Variants in THAP4 observed in about 807,000 individuals in gnomAD.
The protein encoded by THAP4 is peroxynitrite isomerase THAP4.
In THAP4, 18 loss-of-function variants were observed where a neutral mutation model predicts 48.1. The ratio of observed to expected loss-of-function variants is 0.37; its 90% CI spans 0.26 to 0.56. The LOEUF (loss-of-function observed/expected upper bound fraction) is 0.56, where lower values mean the gene tolerates loss of function less well. Among genes scored for constraint, THAP4 ranks in the 20% least tolerant of loss-of-function variants. The pLI, the probability that THAP4 is intolerant of heterozygous loss-of-function variation, is 0.78. For synonymous variants in THAP4, 345 were observed against 324.9 expected (o/e 1.06, Z -0.66); for missense variants, 656 against 774.9 (o/e 0.85, Z 1.82).
At chr2:241,588,465 T>G in intron 5 of THAP4, among the ~76,000 whole-genome samples, 1 of 152,200 alleles carries the variant, frequency 6.6e-6, no homozygotes, top group Non-Finnish European at 1.5e-5. Context: ...GGTCCTAGGA[T>G]AGCCAAAACA....
In THAP4 at chr2:241,633,805, C is replaced by T; in HGVS notation, c.352G>A (p.Ala118Thr). The stretch of plus-strand genomic sequence containing the variant: ...CCTGCAGCTCCTCTGCTGGTGGCGG[C>T]ACTCGAGTGTCCCCTCACACCCCCT... ...ATGGVRGHSS[A>T]ATSRGAAGWS... The change falls in exon 2 of 6, where the codon GCC becomes ACC. Residue 118 changes from alanine to threonine, a missense_variant. Physicochemically the swap from Ala to Thr is moderately conservative, Grantham distance 58. Transcript: ENST00000407315. This position sits in a 1 kb window ranked among gnomAD's most constrained non-coding sequence, Gnocchi z 7.5. 1.9e-6 allele frequency: 3 copies of T among 1,613,720 alleles called. No homozygotes were observed. Among genetic ancestry groups the T allele is most frequent in the Non-Finnish European group, 2.5e-6 (3 of 1,179,720 alleles).
intron 2 of THAP4, among the ~76,000 whole-genome samples, chr2:241,629,075 G>A (rs988422363): frequency 6.6e-5 from 10 of 152,018 alleles, no homozygotes; most frequent in East Asian, 1.9e-4. Flanking sequence ...AAGAAGCACC[G>A]GAACTAAGAT....
intron 5 of THAP4, among the ~76,000 whole-genome samples, chr2:241,595,366 A>G (rs62193002): frequency 0.36 from 54,274 of 152,044 alleles, 10,254 homozygotes; most frequent in East Asian, 0.6. Context: ...AGCCGGGTGC[A>G]GTGGCTCACA....
intron 3 of THAP4, among the ~76,000 whole-genome samples, chr2:241,604,216 G>A (rs2067152027): frequency 6.6e-6 from 1 of 152,040 alleles, no homozygotes; most frequent in East Asian, 1.9e-4. Flanking sequence ...TGGGATTACA[G>A]GCGCCCACCA....
intron 2 of THAP4, among the ~76,000 whole-genome samples, chr2:241,607,820 G>A (rs969895770): frequency 2.4e-5 from 3 of 123,758 alleles, no homozygotes; most frequent in Non-Finnish European, 4.9e-5. Context: ...CTCCAGGCCC[G>A]CGCAAGCAGA....
intron 1 of THAP4, among the ~76,000 whole-genome samples, chr2:241,636,210 G>T (rs1177347635): frequency 6.6e-6 from 1 of 152,184 alleles, no homozygotes; most frequent in African/African-American, 2.4e-5. Flanking sequence ...TAAATAACAC[G>T]TGCCATTCCC....
upstream of THAP4, chr2:241,637,565 C>T (rs754119276): frequency 7.4e-6 from 11 of 1,492,658 alleles, 1 homozygote; most frequent in Non-Finnish European, 8.0e-6. Context: ...GCCAAAATGG[C>T]GGCTCCCGCG....
Position 241,612,257 on chromosome 2 carries a change from A to T in THAP4, c.1241-5784T>A, listed in dbSNP as rs973324563. 3.2e-4 allele frequency among the ~76,000 whole-genome samples: 48 copies of T among 151,134 alleles called. No homozygotes were observed. The highest frequency in any genetic ancestry group is 1.1e-3 in the African/African-American group (43 of 40,834). On this transcript the variant is annotated intron_variant, in intron 2 of 5. Transcript: ENST00000407315. This position sits in a 1 kb window ranked among gnomAD's most constrained non-coding sequence, Gnocchi z 4.1. ...GGAACACAGAGGACAGAAATGAGTTAAAAAAAAAGACAAAAGATAGAGAAA... is the reference window on the plus strand; with the variant it reads ...GGAACACAGAGGACAGAAATGAGTTTAAAAAAAAGACAAAAGATAGAGAAA...
intron 5 of THAP4, chr2:241,594,751 C>T (rs2067027767): frequency 6.2e-6 from 1 of 161,036 alleles, no homozygotes; most frequent in Non-Finnish European, 1.4e-5. Flanking sequence ...GAATGAGACC[C>T]TCTCTTAAAG....
intron 5 of THAP4, chr2:241,592,091 A>C (rs1471435123): frequency 6.6e-6 from 1 of 152,232 alleles, no homozygotes; most frequent in East Asian, 1.9e-4. Flanking sequence ...AACGACGTGA[A>C]AAGATGCTCA....
At chr2:241,605,066 C>T (rs946651810) in intron 3 of THAP4, among the ~76,000 whole-genome samples, 6 of 152,142 alleles carry the variant, frequency 3.9e-5, no homozygotes, top group East Asian at 1.9e-4. Context: ...CTGACCTTTT[C>T]GTGGGTTATA....
At chr2:241,602,640 ACAGGCGTGAGCCACTGTGC>A (rs1181224828) in intron 4 of THAP4, among the ~76,000 whole-genome samples, 33 of 152,354 alleles carry the variant, frequency 2.2e-4, no homozygotes, top group African/African-American at 6.7e-4. Context: ...TGCTGGGATT[ACAGGCGTGAGCCACTGTGC>A]CCAACCTGTT....
At chr2:241,624,733 G>C (rs150741273) in intron 2 of THAP4, among the ~76,000 whole-genome samples, 8 of 152,338 alleles carry the variant, frequency 5.3e-5, no homozygotes, top group South Asian at 2.1e-4. Flanking sequence ...CAGGATGGAG[G>C]GGGTGGGGCT....
intron 5 of THAP4, among the ~76,000 whole-genome samples, chr2:241,591,629 G>T (rs898157134): frequency 6.6e-6 from 1 of 152,150 alleles, no homozygotes; most frequent in African/African-American, 2.4e-5. Flanking sequence ...GAACAGGGGG[G>T]CCGGGCTCTT....
At chr2:241,590,687 A>C (rs2066957306) in intron 5 of THAP4, among the ~76,000 whole-genome samples, 2 of 151,792 alleles carry the variant, frequency 1.3e-5, no homozygotes, top group African/African-American at 4.8e-5. Context: ...TGCTCGGCTG[A>C]TGATGATGGG....
intron 5 of THAP4, among the ~76,000 whole-genome samples, chr2:241,590,889 T>G (rs111689879): frequency 4.8e-4 from 62 of 127,874 alleles, no homozygotes; most frequent in African/African-American, 5.0e-4. Context: ...CTGACGATGA[T>G]GGGCACTAGG....
chr2:241,628,222 G>A (rs1160944439), intron 2 of THAP4, among the ~76,000 whole-genome samples: 2 of 149,098 alleles, frequency 1.3e-5, no homozygotes, highest in Non-Finnish European at 3.0e-5. Context: ...CCCTGGACCC[G>A]CCTCGGCTGC....
chr2:241,595,310 C>G (rs1334622356), intron 5 of THAP4, among the ~76,000 whole-genome samples: 1 of 152,170 alleles, frequency 6.6e-6, no homozygotes, highest in Admixed American at 6.5e-5. Flanking sequence ...CCACCGCACT[C>G]AGCCCTGCAT....
At chr2:241,627,439 C>T (rs142465488) in intron 2 of THAP4, among the ~76,000 whole-genome samples, 6 of 152,322 alleles carry the variant, frequency 3.9e-5, no homozygotes, top group Middle Eastern at 3.4e-3. Flanking sequence ...GGTTCATAGA[C>T]GTGCTAACAA....
Sources: allele counts gnomAD v4.1 joint callset (sites outside exome capture counted in the v4.1 genomes callset), GRCh38; gene constraint gnomAD v4.1.1; non-coding constraint Gnocchi (gnomAD v3.1); transcripts MANE v1.5; gene names NCBI Gene and HGNC (gene_info 2026-07-23, HGNC 2026-07-21).